EYS: variants seen among roughly 807,000 people sequenced by gnomAD.
EYS encodes the protein EGF-like photoreceptor maintenance factor.
Under a neutral mutation model 282.1 loss-of-function variants are expected in EYS, and 250 were observed. The observed-to-expected ratio is 0.89, with a 90% confidence interval of 0.80 to 0.98. EYS has a LOEUF of 0.98. Ranked by LOEUF, EYS falls within the 50% of genes least tolerant of loss-of-function variation. The pLI is 0.00. For synonymous variants in EYS, 1,355 were observed against 1,282.9 expected (o/e 1.06, Z -1.20); for missense variants, 4,016 against 3,709.0 (o/e 1.08, Z -2.15).
intron 28 of EYS, among the ~76,000 whole-genome samples, chr6:64,409,400 C>T (rs1773816961): frequency 6.6e-6 from 1 of 152,034 alleles, no homozygotes; most frequent in South Asian, 2.1e-4. Flanking sequence ...GCAATTGTAA[C>T]AAAAACAAAA....
intron 28 of EYS, among the ~76,000 whole-genome samples, chr6:64,396,561 T>G (rs902588932): frequency 2.0e-5 from 3 of 152,116 alleles, no homozygotes; most frequent in African/African-American, 7.2e-5. Flanking sequence ...AGTATTGACA[T>G]TTAGATCTAC....
intron 1 of EYS, among the ~76,000 whole-genome samples, chr6:65,676,209 AGAAG>A (rs1200199690): frequency 6.6e-6 from 1 of 151,802 alleles, no homozygotes. Flanking sequence ...CAAAGTTAGC[AGAAG>A]GAAGGAATTT....
At chr6:64,014,915 C>T (rs77588642) in intron 33 of EYS, among the ~76,000 whole-genome samples, 2 of 151,948 alleles carry the variant, frequency 1.3e-5, no homozygotes, top group African/African-American at 4.8e-5. Context: ...TAAAACCTTA[C>T]CCTAGGCAAA....
chr6:64,366,168 G>A (rs964322654), intron 29 of EYS, among the ~76,000 whole-genome samples: 22 of 151,880 alleles, frequency 1.4e-4, no homozygotes, highest in African/African-American at 3.9e-4. Flanking sequence ...TTTCTTTCCC[G>A]TTAATATTGG....
intron 12 of EYS, among the ~76,000 whole-genome samples, chr6:65,212,224 A>G (rs1252100844): frequency 6.6e-6 from 1 of 152,112 alleles, no homozygotes; most frequent in African/African-American, 2.4e-5. Flanking sequence ...AGTACTATAC[A>G]AGAATACAAA....
chr6:64,289,897 T>C (rs1390000669), intron 30 of EYS, among the ~76,000 whole-genome samples: 1 of 152,054 alleles, frequency 6.6e-6, no homozygotes, highest in Non-Finnish European at 1.5e-5. Flanking sequence ...CTTTGAGGTG[T>C]AACAAGTACA....
chr6:65,193,088 G>A (rs1252668164), intron 12 of EYS, among the ~76,000 whole-genome samples: 2 of 151,848 alleles, frequency 1.3e-5, no homozygotes, highest in Admixed American at 1.3e-4. Flanking sequence ...AAACATTTAC[G>A]TTCTCACTCA....
chr6:64,483,384 G>T lies in EYS; in HGVS notation c.5645-44032C>A, dbSNP rs776790407. Among the ~76,000 whole-genome samples, 5 of 151,760 alleles carry T rather than the reference G, an allele frequency of 3.3e-5. No individual in the cohort carries two copies. The East Asian group carries it at 9.7e-4, about 29-fold the overall frequency. ...TCAAGAGTATTAAAAACTGGGAAAC[G>T]TTGGAGGTGCTGAAGAATTCTACAT... On this transcript the variant is annotated intron_variant, in intron 26 of 42. Transcript: ENST00000503581.
chr6:64,269,311 T>C (rs577738338), intron 30 of EYS, among the ~76,000 whole-genome samples: 13 of 151,994 alleles, frequency 8.6e-5, no homozygotes, highest in African/African-American at 2.9e-4. Flanking sequence ...GGCTGAAAAA[T>C]CAGTGCGACT....
chr6:65,499,406 C>T (rs1416119872), intron 2 of EYS, among the ~76,000 whole-genome samples: 2 of 151,912 alleles, frequency 1.3e-5, no homozygotes, highest in African/African-American at 4.8e-5. Context: ...TCTATTTGCA[C>T]TCAATAGACA....
intron 31 of EYS, among the ~76,000 whole-genome samples, chr6:64,220,966 A>C (rs1766082869): frequency 6.6e-6 from 1 of 152,138 alleles, no homozygotes; most frequent in Non-Finnish European, 1.5e-5. Flanking sequence ...ACACTGATTC[A>C]TGAGGATTAA....
chr6:64,407,402 C>T (rs779316703), intron 28 of EYS, among the ~76,000 whole-genome samples: 1 of 152,024 alleles, frequency 6.6e-6, no homozygotes, highest in Non-Finnish European at 1.5e-5. Flanking sequence ...ACCTATGTAA[C>T]AAACCTGCAC....
intron 12 of EYS, among the ~76,000 whole-genome samples, chr6:65,280,864 AAATAT>A (rs933627950): frequency 1.7e-4 from 23 of 132,590 alleles, no homozygotes; most frequent in Middle Eastern, 4.0e-3. Flanking sequence ...CTAAAAAAAA[AAATAT>A]ATATATATAT....
At chr6:65,700,874 G>C (rs1190154548) in intron 1 of EYS, among the ~76,000 whole-genome samples, 1 of 152,122 alleles carries the variant, frequency 6.6e-6, no homozygotes, top group Non-Finnish European at 1.5e-5. Flanking sequence ...GTTCCATTAA[G>C]GGTTTTGTAA....
At chr6:65,515,400 A>G (rs1275961126) in intron 2 of EYS, among the ~76,000 whole-genome samples, 4 of 152,142 alleles carry the variant, frequency 2.6e-5, no homozygotes, top group African/African-American at 7.2e-5. Context: ...TCAGGGATCT[A>G]GAACTAGAAA....
At chr6:64,821,461 A>G (rs886474414) in intron 21 of EYS, among the ~76,000 whole-genome samples, 184 bp downstream of exon 21, 4 of 151,520 alleles carry the variant, frequency 2.6e-5, no homozygotes, top group South Asian at 4.2e-4. Flanking sequence ...AAGGTGGGGG[A>G]AAAAAAGCCA....
intron 31 of EYS, among the ~76,000 whole-genome samples, chr6:64,161,699 T>A (rs1224277873): frequency 6.6e-6 from 1 of 152,178 alleles, no homozygotes; most frequent in African/African-American, 2.4e-5. Flanking sequence ...TTAAAGAATG[T>A]TTCATTAGAA....
At chr6:64,032,378 T>C (rs1769895090) in intron 33 of EYS, among the ~76,000 whole-genome samples, 2 of 152,214 alleles carry the variant, frequency 1.3e-5, no homozygotes, top group South Asian at 2.1e-4. Flanking sequence ...ACAAATGATT[T>C]TGAGCACTTC....
chr6:65,454,056 T>C lies in EYS; in HGVS notation c.862+36538A>G, dbSNP rs555017724. ...TGGATACATAACCACTGGGGGATTG[T>C]TGGATCATATGGTAGTTCTATTTTT... On this transcript the variant is annotated intron_variant, in intron 5 of 42. Coordinates refer to ENST00000503581, the MANE Select transcript of EYS (RefSeq NM_001142800.2). 9.1e-5 allele frequency among the ~76,000 whole-genome samples: 10 copies of C among 109,920 alleles called. No individual in the cohort carries two copies. The South Asian group carries it at 2.3e-3, about 26-fold the overall frequency. The allele number at this position is 109,920 out of a possible 152,430, so 72.1% of individuals were successfully genotyped here.
Sources: allele counts gnomAD v4.1 joint callset (sites outside exome capture counted in the v4.1 genomes callset), GRCh38; gene constraint gnomAD v4.1.1; transcripts MANE v1.5; gene names NCBI Gene and HGNC (gene_info 2026-07-23, HGNC 2026-07-21).